The following DGKD variants were observed in gnomAD, a reference collection of about 807,000 sequenced individuals.
DGKD encodes the protein diacylglycerol kinase delta, also known as DAG kinase delta.
A neutral mutation model predicts 154.4 loss-of-function variants in DGKD; 68 were observed. That is an observed-to-expected ratio of 0.44 (90% CI 0.36 to 0.54). The LOEUF is 0.54. Among genes scored for constraint, DGKD ranks in the 20% least tolerant of loss-of-function variants. The pLI, the probability that DGKD is intolerant of heterozygous loss-of-function variation, is 0.00. For missense variants in DGKD, 1,343 were observed against 1,593.6 expected (o/e 0.84, Z 2.68); for synonymous variants, 693 against 638.0 (o/e 1.09, Z -1.30).
In DGKD at chr2:233,390,384, T is replaced by C; in HGVS notation, c.268-19T>C. ...ACCTGTCTTTATGTGCCTTAGTCCC[T>C]GTGTTTGTCTCTTTCTAGTCAATCA... On this transcript the variant is annotated intron_variant, in intron 2 of 29. Transcript: ENST00000264057. The C allele has an allele frequency of 1.9e-6, 3 of 1,609,540 alleles. No homozygotes were observed. Among genetic ancestry groups the C allele is most frequent in the African/African-American group, 1.3e-5 (1 of 74,902 alleles).
rs2063514961 is a variant in DGKD at position 233,458,051 on chromosome 2, A to G, written c.2581-233A>G. Among the ~76,000 whole-genome samples the G allele has an allele frequency of 6.6e-6, 1 of 152,086 alleles. No homozygotes were observed. ...TGCCGTTAGTTTCCCCATTTTACGCATGAGGAAATGGGGGAGAGAGAGATT... is the reference window on the plus strand; with the variant it reads ...TGCCGTTAGTTTCCCCATTTTACGCGTGAGGAAATGGGGGAGAGAGAGATT... On this transcript the variant is annotated intron_variant, in intron 21 of 29. Coordinates refer to ENST00000264057, the MANE Select transcript of DGKD (RefSeq NM_152879.3). The surrounding 1 kb of genome is among the most constrained non-coding windows in gnomAD (Gnocchi z 6.6).
chr2:233,426,946 T>C (rs771135365), intron 3 of DGKD, among the ~76,000 whole-genome samples: 1 of 152,228 alleles, frequency 6.6e-6, no homozygotes, highest in Non-Finnish European at 1.5e-5. Context: ...ATGTGCTTTA[T>C]TGGCCATTTG....
At position 233,460,254 on chromosome 2, in the gene DGKD, C is replaced by G; in HGVS notation, c.2890C>G (p.Pro964Ala). 6 of 1,613,994 alleles carry G rather than the reference C, an allele frequency of 3.7e-6. No homozygotes were observed. The highest frequency in any genetic ancestry group is 5.1e-6 in the Non-Finnish European group (6 of 1,180,004). The change falls in exon 24 of 30, where the codon CCA (proline) becomes GCA (alanine). Residue 964 changes from proline to alanine, a missense_variant. Physicochemically the swap from Pro to Ala is conservative, Grantham distance 27. Around this residue, in one of 6 missense-constraint regions of DGKD, gnomAD observed 429 missense variants for 496.3 expected, o/e 0.86. Coordinates refer to ENST00000264057, the MANE Select transcript of DGKD (RefSeq NM_152879.3). ...DKQKCELPRP[P>A]SCSLHPEMLS... The stretch of plus-strand genomic sequence containing the variant: ...GCAGAAGTGCGAGCTGCCCCGCCCT[C>G]CATCCTGTTCCCTGCACCCGGAGAT...
chr2:233,462,579 C>T lies in DGKD; in HGVS notation c.3094-64C>T, dbSNP rs185546568. 1.9e-4 allele frequency: 300 copies of T among 1,561,228 alleles called. 1 individual carries two copies. In the East Asian group the frequency reaches 6.4e-3, roughly 33 times the overall value. On this transcript the variant is annotated intron_variant, in intron 25 of 29. Transcript: ENST00000264057. ...ATGTTCGGCCCTCCCAGTGCTTGTTCCCTGCCCCTAACCGTGCATGTTCGG... is the reference window on the plus strand; with the variant it reads ...ATGTTCGGCCCTCCCAGTGCTTGTTTCCTGCCCCTAACCGTGCATGTTCGG...
chr2:233,454,170 C>T (rs13391864), intron 18 of DGKD, among the ~76,000 whole-genome samples: 13,918 of 152,202 alleles, frequency 0.091, 695 homozygotes, highest in African/African-American at 0.14. Context: ...AACATGTCCA[C>T]GCTAGAAGCT....
At position 233,469,330 on chromosome 2, in the gene DGKD, CTGTCTTCTCGGCATCCATGGCGG is replaced by C; in HGVS notation, c.3556-31_3556-9del. On this transcript the variant is annotated intron_variant, in intron 29 of 29. Coordinates refer to ENST00000264057, the MANE Select transcript of DGKD (RefSeq NM_152879.3). ...CTGCTGTGGAGCCCTCTGGCCCTGG[CTGTCTTCTCGGCATCCATGGCGG>C]TGTCTTCTCTGTTGCAGGACCTGGG... The C allele has an allele frequency of 6.4e-7, 1 of 1,555,086 alleles. No homozygotes were observed. Among genetic ancestry groups the C allele is most frequent in the Middle Eastern group, 1.7e-4 (1 of 5,934 alleles).
intron 3 of DGKD, among the ~76,000 whole-genome samples, chr2:233,409,588 C>G (rs929868214): frequency 1.3e-4 from 20 of 151,854 alleles, no homozygotes; most frequent in African/African-American, 4.8e-4. Flanking sequence ...CGTTCCCGTC[C>G]CAGAATAACC....
intron 1 of DGKD, among the ~76,000 whole-genome samples, chr2:233,382,602 G>A (rs1257977062): frequency 5.3e-5 from 8 of 152,070 alleles, no homozygotes; most frequent in East Asian, 1.9e-4. Context: ...CTCTGGACAC[G>A]ACTCTTGGTC....
rs771255173 is a variant in DGKD, at chr2:233,459,716, GTT to G, written c.2695-38_2695-37del. ...TGATAGCACTTTTAAACCCCTGGGG[GTT>G]TTGGCTCAGCATGAGTAATGGCTAT... On this transcript the variant is annotated intron_variant, in intron 22 of 29. Transcript: ENST00000264057. The surrounding 1 kb of genome is among the most constrained non-coding windows in gnomAD (Gnocchi z 5.7). 30 of 1,603,308 alleles carry G rather than the reference GTT, an allele frequency of 1.9e-5. No homozygotes were observed. Among genetic ancestry groups the G allele is most frequent in the Non-Finnish European group, 2.2e-5 (26 of 1,173,800 alleles).
Position 233,451,030 on chromosome 2 carries a change from A to G in DGKD, c.2147A>G (p.Asn716Ser), listed in dbSNP as rs763872742. The G allele has an allele frequency of 9.9e-6, 16 of 1,611,434 alleles. No homozygotes were observed. The African/African-American group carries it at 1.7e-4, about 17-fold the overall frequency. Residue 716 changes from asparagine (N) to serine (S), a missense_variant, in exon 17 of 30, where the codon AAC (asparagine) becomes AGC (serine). Asn to Ser is a conservative substitution (Grantham distance 46). Coordinates refer to ENST00000264057, the MANE Select transcript of DGKD (RefSeq NM_152879.3). ...PGSRDGLPALNTKILYPNVRA... is the reference protein window; with the variant it reads ...PGSRDGLPALSTKILYPNVRA... Reference sequence around the variant, plus strand: ...AGCCGGGACGGCCTGCCTGCGCTCAACACCAAGATCCTGTACCCAAGTGAG... The same window carrying G: ...AGCCGGGACGGCCTGCCTGCGCTCAGCACCAAGATCCTGTACCCAAGTGAG...
chr2:233,400,917 C>T lies in DGKD; in HGVS notation c.348+10434C>T, dbSNP rs370477580. Among the ~76,000 whole-genome samples, 9 of 152,184 alleles carry T rather than the reference C, an allele frequency of 5.9e-5. No homozygotes were observed. In the East Asian group the frequency reaches 7.7e-4, roughly 13 times the overall value. On this transcript the variant is annotated intron_variant, in intron 3 of 29. Transcript: ENST00000264057. ...CCTTTATGAGGGAAGTTTTATGCTA[C>T]GCGGTATTTCCAAAGTGTGAGCTCC... is the stretch of plus-strand genomic sequence containing the variant.
rs2064007827 is a variant in DGKD, at chr2:233,471,302, T to TA, written c.*1843dup. ...ATGTGGGTGGAAGGTGGTTGTATGTTACCTTTTCCACCTCTCATTGTTTTC... is the reference window on the plus strand; with the variant it reads ...ATGTGGGTGGAAGGTGGTTGTATGTTAACCTTTTCCACCTCTCATTGTTTTC... On this transcript the variant is annotated 3_prime_UTR_variant, in exon 30 of 30. Transcript: ENST00000264057. 2.0e-5 allele frequency: 3 copies of TA among 152,532 alleles called. No homozygotes were observed. The highest frequency in any genetic ancestry group is 7.2e-5 in the African/African-American group (3 of 41,600). The allele number at this position is 152,532 out of a possible 1,614,324, so 9.4% of individuals were successfully genotyped here.
Position 233,388,343 on chromosome 2 carries a change from G to C in DGKD, c.243G>C (p.Thr81=), listed in dbSNP as rs958488258. The change falls in exon 2 of 30, where the codon ACG becomes ACC. Residue 81 remains threonine, a synonymous_variant. Coordinates refer to ENST00000264057, the MANE Select transcript of DGKD (RefSeq NM_152879.3). Reference sequence around the variant, plus strand: ...GATACTTTAAGCTTCGAGGGCGAACGCTTTACTATGCCAAAACGGCAAAGG... The same window carrying C: ...GATACTTTAAGCTTCGAGGGCGAACCCTTTACTATGCCAAAACGGCAAAGG... ...KRRYFKLRGR[T]LYYAKTAKSI... is the part of the protein sequence containing the mutation. 4 of 1,613,680 alleles carry C rather than the reference G, an allele frequency of 2.5e-6. No individual in the cohort carries two copies. The highest frequency in any genetic ancestry group is 1.3e-5 in the African/African-American group (1 of 74,912).
At position 233,360,300 on chromosome 2, in the gene DGKD, G is replaced by A. The variant is rs890149454; in HGVS notation, c.156+5626G>A. 3.3e-5 allele frequency among the ~76,000 whole-genome samples: 5 copies of A among 151,860 alleles called. No individual in the cohort carries two copies. In the South Asian group the frequency reaches 8.3e-4, roughly 25 times the overall value. ...TTTTTTCTGAGACAGGGTCTTGCTC[G>A]GTCGTCCAGGCTGGAGTGCAGTGGC... On this transcript the variant is annotated intron_variant, in intron 1 of 29. Coordinates refer to ENST00000264057, the MANE Select transcript of DGKD (RefSeq NM_152879.3).
chr2:233,466,248 T>C (rs1394263738), intron 27 of DGKD, among the ~76,000 whole-genome samples: 1 of 151,338 alleles, frequency 6.6e-6, no homozygotes, highest in African/African-American at 2.4e-5. Context: ...CCTACTGAAA[T>C]TTTTTTTGTC....
At chr2:233,447,572 C>G (rs1308528082) in intron 12 of DGKD, 4 of 985,458 alleles carry the variant, frequency 4.1e-6, no homozygotes, top group Non-Finnish European at 3.6e-6. Flanking sequence ...CCAGAATATT[C>G]GCTGTCTGGC....
intron 3 of DGKD, among the ~76,000 whole-genome samples, chr2:233,412,973 T>C (rs1392612225): frequency 6.6e-6 from 1 of 152,230 alleles, no homozygotes; most frequent in Non-Finnish European, 1.5e-5. Flanking sequence ...TATTGTTGGA[T>C]TCAATTTGCC....
Position 233,367,881 on chromosome 2 carries a change from G to A in DGKD, c.156+13207G>A, listed in dbSNP as rs548019881. 9.7e-4 allele frequency among the ~76,000 whole-genome samples: 134 copies of A among 138,748 alleles called. 1 individual carries two copies. Among genetic ancestry groups the A allele is most frequent in the Middle Eastern group, 7.9e-3 (2 of 252 alleles). The allele number at this position is 138,748 out of a possible 152,430, so 91.0% of individuals were successfully genotyped here. ...TTTTTTTTTTTTTTTAATAGAAGTG[G>A]GATCTCCCTACGTTAAGCCAGTCTG... On this transcript the variant is annotated intron_variant, in intron 1 of 29. Transcript: ENST00000264057.
chr2:233,375,723 C>T (rs140484720), intron 1 of DGKD, among the ~76,000 whole-genome samples: 11 of 152,144 alleles, frequency 7.2e-5, no homozygotes, highest in Middle Eastern at 3.4e-3. Context: ...CCTCTTATGA[C>T]ACTTGAAAAC....
Sources: gnomAD v4.1 joint callset for allele counts (sites outside exome capture counted in the v4.1 genomes callset) on GRCh38, gnomAD v4.1.1 for gene constraint, gnomAD v4.1.1 regional missense constraint, Gnocchi (gnomAD v3.1) non-coding constraint, MANE v1.5 for transcripts, NCBI Gene and HGNC (gene_info 2026-07-23, HGNC 2026-07-21) for gene names.